Variants in SLC35F1 observed in about 807,000 individuals in gnomAD.
SLC35F1 encodes the protein solute carrier family 35 member F1.
SLC35F1 carries 14 observed loss-of-function variants against 48.7 expected under a neutral mutation model. That is an observed-to-expected ratio of 0.29 (90% CI 0.19 to 0.45). The LOEUF (loss-of-function observed/expected upper bound fraction) is 0.45. Ranked by LOEUF, SLC35F1 falls within the 20% of genes least tolerant of loss-of-function variation. SLC35F1 has a pLI of 1.00. For synonymous variants in SLC35F1, 190 were observed against 202.2 expected (o/e 0.94, Z 0.51); for missense variants, 404 against 500.0 (o/e 0.81, Z 1.83).
chr6:117,991,108 A>T (rs367701626), intron 1 of SLC35F1, among the ~76,000 whole-genome samples: 1 of 152,212 alleles, frequency 6.6e-6, no homozygotes, highest in Non-Finnish European at 1.5e-5. Context: ...CTGGGACCAG[A>T]TCAAGATATT....
At chr6:117,981,540 A>G (rs890418003) in intron 1 of SLC35F1, among the ~76,000 whole-genome samples, 4 of 152,128 alleles carry the variant, frequency 2.6e-5, no homozygotes, top group African/African-American at 9.7e-5. Flanking sequence ...CAGGGCATTT[A>G]AATAACTTAG....
chr6:118,045,786 GA>G (rs1313340395), intron 1 of SLC35F1, among the ~76,000 whole-genome samples: 2 of 152,176 alleles, frequency 1.3e-5, no homozygotes, highest in Non-Finnish European at 1.5e-5. Context: ...TTATTGCGGG[GA>G]TGGGAGAAGG....
chr6:118,285,700 C>T (rs910800999), intron 7 of SLC35F1, among the ~76,000 whole-genome samples: 21 of 152,156 alleles, frequency 1.4e-4, no homozygotes, highest in African/African-American at 2.9e-4. Flanking sequence ...ATGGATTCTG[C>T]GAAAGGCCTT....
At chr6:118,039,025 A>G (rs1466529231) in intron 1 of SLC35F1, among the ~76,000 whole-genome samples, 1 of 152,208 alleles carries the variant, frequency 6.6e-6, no homozygotes, top group Non-Finnish European at 1.5e-5. Flanking sequence ...ATCAGGTAAT[A>G]TTGCTGAACT....
rs750332576 is a variant in SLC35F1, at chr6:118,285,190, T to C, written c.854T>C (p.Leu285Pro). 7 of 1,613,704 alleles carry C rather than the reference T, an allele frequency of 4.3e-6. No individual in the cohort carries two copies. The highest frequency in any genetic ancestry group is 5.1e-6 in the Non-Finnish European group (6 of 1,179,800). ...KVPWDWQIGL[L>P]YVGFSACMFG... ...CTCTTTACTCTTCCCCCAGGACTGCTCTACGTTGGCTTTAGTGCCTGCATG... is the reference window on the plus strand; with the variant it reads ...CTCTTTACTCTTCCCCCAGGACTGCCCTACGTTGGCTTTAGTGCCTGCATG... Residue 285 changes from leucine to proline, a missense_variant, in exon 7 of 8, where the codon CTC becomes CCC. By Grantham distance (98) the Leu-to-Pro change is moderately conservative (BLOSUM62 -3). This residue lies in a region of SLC35F1 where 306 missense variants were observed against 419.1 expected (regional missense o/e 0.73). Coordinates refer to ENST00000360388, the MANE Select transcript of SLC35F1 (RefSeq NM_001029858.4).
intron 1 of SLC35F1, among the ~76,000 whole-genome samples, chr6:118,052,119 A>G (rs997959699): frequency 6.6e-6 from 1 of 152,076 alleles, no homozygotes; most frequent in Admixed American, 6.6e-5. Flanking sequence ...CTGTTAGTCC[A>G]GTAGAGAATG....
chr6:118,309,196 TGTGTGTGC>T (rs1298289267), intron 7 of SLC35F1, among the ~76,000 whole-genome samples: 1 of 148,210 alleles, frequency 6.7e-6, no homozygotes, highest in African/African-American at 2.6e-5. Flanking sequence ...TGTGTGTGTG[TGTGTGTGC>T]GTGTGTGTAT....
chr6:118,241,558 T>G (rs1479187165), intron 3 of SLC35F1, among the ~76,000 whole-genome samples: 4 of 147,916 alleles, frequency 2.7e-5, no homozygotes, highest in Non-Finnish European at 5.9e-5. Flanking sequence ...CCTTATTCAG[T>G]TTTCATACAT....
intron 1 of SLC35F1, among the ~76,000 whole-genome samples, chr6:117,915,898 T>C (rs1394588062): frequency 6.6e-6 from 1 of 152,184 alleles, no homozygotes; most frequent in Non-Finnish European, 1.5e-5. Flanking sequence ...AGTGCTCTGA[T>C]TTGAACAGAA....
At chr6:117,922,613 T>C (rs1460909043) in intron 1 of SLC35F1, among the ~76,000 whole-genome samples, 1 of 152,236 alleles carries the variant, frequency 6.6e-6, no homozygotes, top group African/African-American at 2.4e-5. Context: ...TTGATTGCTT[T>C]CCCTTTAAGA....
chr6:117,913,246 G>A (rs1775785229), intron 1 of SLC35F1, among the ~76,000 whole-genome samples: 1 of 152,104 alleles, frequency 6.6e-6, no homozygotes, highest in Admixed American at 6.5e-5. Flanking sequence ...GTAGATGTAT[G>A]GAAAAAACCT....
intron 2 of SLC35F1, among the ~76,000 whole-genome samples, chr6:118,207,767 CT>C (rs1273689966): frequency 6.6e-6 from 1 of 152,194 alleles, no homozygotes; most frequent in Non-Finnish European, 1.5e-5. Context: ...GGCCCTCCCC[CT>C]CATCTAAACT....
chr6:118,305,138 GC>G (rs1477126168), intron 7 of SLC35F1, among the ~76,000 whole-genome samples: 2 of 145,880 alleles, frequency 1.4e-5, no homozygotes, highest in African/African-American at 5.1e-5. Flanking sequence ...ATTGATTCAG[GC>G]CATTGAGGGC....
chr6:118,155,960 C>T (rs1774133932), intron 2 of SLC35F1, among the ~76,000 whole-genome samples: 1 of 152,166 alleles, frequency 6.6e-6, no homozygotes, highest in African/African-American at 2.4e-5. Context: ...CAATACTGGA[C>T]TTCATCTCAT....
chr6:118,298,364 T>C (rs1180818820), intron 7 of SLC35F1, among the ~76,000 whole-genome samples: 4 of 152,110 alleles, frequency 2.6e-5, no homozygotes, highest in Non-Finnish European at 5.9e-5. Flanking sequence ...CTAATGTCTT[T>C]ACATTCATAG....
chr6:118,255,406 A>AG (rs1424400476), intron 3 of SLC35F1, among the ~76,000 whole-genome samples: 1 of 152,236 alleles, frequency 6.6e-6, no homozygotes, highest in African/African-American at 2.4e-5. Context: ...AAGCTGATAA[A>AG]GGCTTTGATG....
chr6:118,303,524 C>T (rs1460590671), intron 7 of SLC35F1, among the ~76,000 whole-genome samples: 1 of 152,184 alleles, frequency 6.6e-6, no homozygotes. Context: ...CTAGTAGTAC[C>T]TACTAAACCT....
In SLC35F1 at chr6:118,249,330, C is replaced by T. The variant is rs955146439; in HGVS notation, c.477+13694C>T. Among the ~76,000 whole-genome samples, 3 of 152,262 alleles carry T rather than the reference C, an allele frequency of 2.0e-5. No individual in the cohort carries two copies. The East Asian group carries it at 5.8e-4, about 30-fold the overall frequency. ...GTATCCTGCCCAGGAGCTGTTCCTTCTTTGTGGTTACTAAGGTGCCAATTC... is the reference window on the plus strand; with the variant it reads ...GTATCCTGCCCAGGAGCTGTTCCTTTTTTGTGGTTACTAAGGTGCCAATTC... On this transcript the variant is annotated intron_variant, in intron 3 of 7. Transcript: ENST00000360388.
chr6:118,120,695 A>C (rs1162241222), intron 1 of SLC35F1, among the ~76,000 whole-genome samples: 1 of 152,234 alleles, frequency 6.6e-6, no homozygotes, highest in Non-Finnish European at 1.5e-5. Flanking sequence ...CTGAATGGAC[A>C]AAAATTGATG....
Sources: allele counts gnomAD v4.1 joint callset (sites outside exome capture counted in the v4.1 genomes callset), GRCh38; gene constraint gnomAD v4.1.1; regional missense constraint gnomAD v4.1.1; transcripts MANE v1.5; gene names NCBI Gene and HGNC (gene_info 2026-07-23, HGNC 2026-07-21).